Variants in EEF2K observed in about 807,000 individuals in gnomAD.
EEF2K encodes eukaryotic elongation factor 2 kinase.
Under a neutral mutation model 93.8 loss-of-function variants are expected in EEF2K, and 70 were observed. That is an observed-to-expected ratio of 0.75 (90% confidence interval 0.62 to 0.91). The LOEUF is 0.91. Ranked by LOEUF, EEF2K falls within the 40% of genes least tolerant of loss-of-function variation. EEF2K has a pLI of 0.00. For missense variants in EEF2K, 935 were observed against 972.9 expected, an observed-to-expected ratio of 0.96 and a Z score of 0.52; for synonymous variants, 376 against 380.8, an observed-to-expected ratio of 0.99 and a Z score of 0.15.
chr16:22,264,375 TGA>T (rs2047496695), intron 12 of EEF2K, among the ~76,000 whole-genome samples: 3 of 148,382 alleles, frequency 2.0e-5, no homozygotes, highest in African/African-American at 7.5e-5. Flanking sequence ...GAGGGCAATG[TGA>T]GAGGATTGCT....
At chr16:22,283,747 TG>T in intron 17 of EEF2K, 139 bp from the exon 18 acceptor site, 1 of 781,192 alleles carries the variant, frequency 1.3e-6, no homozygotes. Context: ...CCGGAACACC[TG>T]GAGGGAGAGG....
intron 4 of EEF2K, among the ~76,000 whole-genome samples, chr16:22,250,242 T>C (rs907362362): frequency 2.6e-5 from 4 of 152,190 alleles, no homozygotes; most frequent in African/African-American, 9.7e-5. Context: ...ACATTTTGCA[T>C]TGGTTTTCAT....
chr16:22,219,015 G>C (rs2046987585), intron 1 of EEF2K, among the ~76,000 whole-genome samples: 1 of 120,688 alleles, frequency 8.3e-6, no homozygotes, highest in Non-Finnish European at 1.6e-5. Context: ...GTGAGGTAGA[G>C]AAAGCTTTCA....
At chr16:22,215,529 A>G (rs1333542915) in intron 1 of EEF2K, among the ~76,000 whole-genome samples, 1 of 152,310 alleles carries the variant, frequency 6.6e-6, no homozygotes. Context: ...ATAAATGTTT[A>G]TGAGCACCCA....
chr16:22,240,689 T>A (rs1298538345), intron 2 of EEF2K, among the ~76,000 whole-genome samples: 3 of 152,220 alleles, frequency 2.0e-5, no homozygotes, highest in African/African-American at 7.2e-5. Context: ...CATGGAAAGA[T>A]GTCCAAGATC....
intron 9 of EEF2K, 129 bp from the exon 10 acceptor site, chr16:22,258,365 C>A: frequency 1.1e-6 from 1 of 931,408 alleles, no homozygotes; most frequent in Non-Finnish European, 1.6e-6. Flanking sequence ...GACAATATAT[C>A]AGCTCCTAAA....
chr16:22,274,433 G>A (rs1223192451), intron 16 of EEF2K, among the ~76,000 whole-genome samples: 2 of 134,964 alleles, frequency 1.5e-5, no homozygotes, highest in African/African-American at 2.8e-5. Flanking sequence ...TACAGAGCAA[G>A]ATTCCCTCTC....
intron 16 of EEF2K, 63 bp from the exon 17 acceptor site, chr16:22,280,135 C>G (rs893619598): frequency 5.9e-5 from 82 of 1,399,266 alleles, no homozygotes; most frequent in Middle Eastern, 5.7e-4. Flanking sequence ...TGCTGGAAGG[C>G]CCTCCTCCTG....
chr16:22,235,376 TC>T (rs2047158164), intron 2 of EEF2K, among the ~76,000 whole-genome samples: 1 of 152,086 alleles, frequency 6.6e-6, no homozygotes, highest in South Asian at 2.1e-4. Flanking sequence ...AAGCAAGAAA[TC>T]ATCATGTCTT....
chr16:22,267,611 TGGG>T (rs1310516012), intron 15 of EEF2K, among the ~76,000 whole-genome samples: 1 of 147,716 alleles, frequency 6.8e-6, no homozygotes, highest in Non-Finnish European at 1.5e-5. Context: ...AAAAAAAAAT[TGGG>T]GGGGATATCT....
intron 2 of EEF2K, among the ~76,000 whole-genome samples, chr16:22,232,246 A>AGACAAG (rs2047123226): frequency 6.6e-6 from 1 of 152,070 alleles, no homozygotes; most frequent in South Asian, 2.1e-4. Context: ...TTAATTTTAA[A>AGACAAG]GACAAGGTCT....
intron 17 of EEF2K, among the ~76,000 whole-genome samples, 174 bp downstream of exon 17, chr16:22,280,550 T>C: frequency 6.6e-6 from 1 of 152,218 alleles, no homozygotes; most frequent in African/African-American, 2.4e-5. Context: ...GGTTATATAT[T>C]ACGGCTTTGT....
chr16:22,281,993 G>C (rs888826699), intron 17 of EEF2K, among the ~76,000 whole-genome samples: 27 of 152,258 alleles, frequency 1.8e-4, no homozygotes, highest in African/African-American at 6.0e-4. Flanking sequence ...GGGCACAGTG[G>C]CTCATGCCTG....
intron 15 of EEF2K, among the ~76,000 whole-genome samples, chr16:22,270,068 T>C (rs1057512784): frequency 2.0e-5 from 3 of 151,730 alleles, no homozygotes; most frequent in Non-Finnish European, 2.9e-5. Flanking sequence ...GCAATTCTCC[T>C]GCCTAAGCCT....
At chr16:22,270,117 C>T (rs1042737020) in intron 15 of EEF2K, among the ~76,000 whole-genome samples, 18 of 151,528 alleles carry the variant, frequency 1.2e-4, no homozygotes, top group African/African-American at 3.4e-4. Flanking sequence ...CCACCAAACC[C>T]GGCTACTTTT....
At chr16:22,278,293 C>T (rs1329776788) in intron 16 of EEF2K, among the ~76,000 whole-genome samples, 6 of 152,158 alleles carry the variant, frequency 3.9e-5, no homozygotes, top group Admixed American at 3.9e-4. Context: ...GAAATCCATT[C>T]ATGAGGGCAG....
chr16:22,238,259 C>A (rs1446933465), intron 2 of EEF2K, among the ~76,000 whole-genome samples: 1 of 152,156 alleles, frequency 6.6e-6, no homozygotes, highest in African/African-American at 2.4e-5. Flanking sequence ...TGCACTCCAG[C>A]CTGGACGACA....
chr16:22,221,037 C>T (rs968764258), intron 1 of EEF2K, among the ~76,000 whole-genome samples: 5 of 152,214 alleles, frequency 3.3e-5, no homozygotes, highest in Non-Finnish European at 5.9e-5. Context: ...GCATTGGATC[C>T]AGGCCTGTGA....
intron 1 of EEF2K, among the ~76,000 whole-genome samples, chr16:22,225,260 G>A (rs185333318): frequency 6.6e-4 from 100 of 152,270 alleles, no homozygotes; most frequent in Admixed American, 1.2e-3. Flanking sequence ...TGGGCAGCAC[G>A]CTAGATGAAC....
Sources: gnomAD v4.1 joint callset for allele counts (sites outside exome capture counted in the v4.1 genomes callset) on GRCh38, gnomAD v4.1.1 for gene constraint, MANE v1.5 for transcripts, NCBI Gene and HGNC (gene_info 2026-07-23, HGNC 2026-07-21) for gene names.